AVPR1A: variants seen among roughly 807,000 people sequenced by gnomAD.
AVPR1A encodes vasopressin V1a receptor.
In AVPR1A, 31 loss-of-function variants were observed where a neutral mutation model predicts 31.5. That is an observed-to-expected ratio of 0.99 (90% CI 0.74 to 1.33). The LOEUF is 1.33. Among genes scored for constraint, AVPR1A ranks in the 40% most tolerant of loss-of-function variants. The probability of loss-of-function intolerance (pLI) is 0.00; values close to 1 mark genes in which losing one functional copy is unlikely to be tolerated. For synonymous variants in AVPR1A, 243 were observed against 233.2 expected, an observed-to-expected ratio of 1.04 and a Z score of -0.38; for missense variants, 570 against 575.2, an observed-to-expected ratio of 0.99 and a Z score of 0.09.
chr12:63,150,548 C>A lies in AVPR1A; in HGVS notation c.289G>T (p.Asp97Tyr). 6.2e-7 allele frequency: 1 copy of A among 1,612,910 alleles called. No homozygotes were observed. The highest frequency in any genetic ancestry group is 1.1e-5 in the South Asian group (1 of 91,046). ...ACCTGGAAGAATGCCACGGCCAGGT[C>A]GGCCAGGCTGAGGTGTCGGATGAAG... ...HLFIRHLSLA[D>Y]LAVAFFQVLP... The change falls in exon 1 of 2, where the codon GAC becomes TAC. Residue 97 changes from aspartate to tyrosine, a missense_variant. By Grantham distance (160) the Asp-to-Tyr change is radical. Coordinates refer to ENST00000299178, the MANE Select transcript of AVPR1A (RefSeq NM_000706.5). This position sits in a 1 kb window ranked among gnomAD's most constrained non-coding sequence, Gnocchi z 4.9.
In AVPR1A at chr12:63,150,659, CCG is replaced by C; in HGVS notation, c.176_177del (p.Ala59GlyfsTer282). On this transcript the variant is annotated frameshift_variant, in exon 1 of 2. Coordinates refer to ENST00000299178, the MANE Select transcript of AVPR1A (RefSeq NM_000706.5). LOFTEE classifies it high-confidence loss of function. This position sits in a 1 kb window ranked among gnomAD's most constrained non-coding sequence, Gnocchi z 4.9. ...CCCAGCACGGCCACCGCGAAAGTCA[CCG>C]CCAGCACGGCGATCTCCAGTTTGGC... The part of the protein sequence containing the change: ...ELAKLEIAVL[A>X]VTFAVAVLGN... 3 of 1,609,130 alleles carry C rather than the reference CCG, an allele frequency of 1.9e-6. No homozygotes were observed. Among genetic ancestry groups the C allele is most frequent in the Non-Finnish European group, 2.5e-6 (3 of 1,179,878 alleles).
chr12:63,149,897 A>C lies in AVPR1A; in HGVS notation c.940T>G (p.Ser314Ala). Reference sequence around the variant, plus strand: ...CAGACGGACATGGGATCCCAGACAGACCACATCTGGATGATGAAGAAAGGC... The same window carrying C: ...CAGACGGACATGGGATCCCAGACAGCCCACATCTGGATGATGAAGAAAGGC... ...WAPFFIIQMWSVWDPMSVWTE... is the reference protein window; with the variant it reads ...WAPFFIIQMWAVWDPMSVWTE... The change falls in exon 1 of 2, where the codon TCT becomes GCT. Residue 314 changes from serine (S) to alanine (A), a missense_variant. Transcript: ENST00000299178. 2 of 1,613,484 alleles carry C rather than the reference A, an allele frequency of 1.2e-6. No homozygotes were observed. Among genetic ancestry groups the C allele is most frequent in the Non-Finnish European group, 1.7e-6 (2 of 1,179,952 alleles).
intron 1 of AVPR1A, 25 bp downstream of exon 1, chr12:63,149,842 T>C (rs1868428890): frequency 6.3e-7 from 1 of 1,599,184 alleles, no homozygotes; most frequent in East Asian, 2.2e-5. Context: ...ATCCCTGCAC[T>C]TTCCTCTATT....
Position 63,150,502 on chromosome 12 carries a change from T to A in AVPR1A, c.335A>T (p.Asp112Val). Residue 112 changes from aspartate (D) to valine (V), a missense_variant, in exon 1 of 2, where the codon GAC becomes GTC. Transcript: ENST00000299178. The surrounding 1 kb of genome is among the most constrained non-coding windows in gnomAD (Gnocchi z 4.9). Reference protein sequence around the residue: ...FFQVLPQMCWDITYRFRGPDW... With the variant: ...FFQVLPQMCWVITYRFRGPDW... Reference sequence around the variant, plus strand: ...GGGGCCGCGGAAGCGGTAGGTGATGTCCCAGCACATTTGCGGCAGCACCTG... The same window carrying A: ...GGGGCCGCGGAAGCGGTAGGTGATGACCCAGCACATTTGCGGCAGCACCTG... 6.2e-7 allele frequency: 1 copy of A among 1,613,370 alleles called. No homozygotes were observed. The highest frequency in any genetic ancestry group is 8.5e-7 in the Non-Finnish European group (1 of 1,179,824).
rs183244036 is a variant in AVPR1A, at chr12:63,143,530, G to T, written c.*3829C>A. On this transcript the variant is annotated 3_prime_UTR_variant, in exon 2 of 2. Coordinates refer to ENST00000299178, the MANE Select transcript of AVPR1A (RefSeq NM_000706.5). ...TTTACACTGTCTTAAGCACTCAAAAGAAAGAAACTGTCTTCTGAATAGTTC... is the reference window on the plus strand; with the variant it reads ...TTTACACTGTCTTAAGCACTCAAAATAAAGAAACTGTCTTCTGAATAGTTC... 112 of 152,262 alleles carry T rather than the reference G, an allele frequency of 7.4e-4. No homozygotes were observed. Among genetic ancestry groups the T allele is most frequent in the African/African-American group, 2.5e-3 (103 of 41,564 alleles). The allele number at this position is 152,262 out of a possible 1,614,324, so 9.4% of individuals were successfully genotyped here. A position where few individuals can be genotyped will look rare whatever the true frequency, so the allele number is the denominator to read the frequency against.
chr12:63,148,531 AC>A (rs1868393791), intron 1 of AVPR1A, among the ~76,000 whole-genome samples: 1 of 152,184 alleles, frequency 6.6e-6, no homozygotes, highest in Admixed American at 6.5e-5. Context: ...GATGGTATTC[AC>A]AAAGAATGAA....
In AVPR1A at chr12:63,150,396, G is replaced by A. The variant is rs768124807; in HGVS notation, c.441C>T (p.Ala147=). Residue 147 remains alanine (A), a synonymous_variant, in exon 1 of 2, where the codon GCC becomes GCT. Transcript: ENST00000299178. The surrounding 1 kb of genome is among the most constrained non-coding windows in gnomAD (Gnocchi z 4.9). Reference sequence around the variant, plus strand: ...GGTGGCACACCGCGATGTAGCGGTCGGCTGTCATGACTACCAGCATGTAGG... The same window carrying A: ...GGTGGCACACCGCGATGTAGCGGTCAGCTGTCATGACTACCAGCATGTAGG... ...ASAYMLVVMT[A]DRYIAVCHPL... 2 of 1,613,826 alleles carry A rather than the reference G, an allele frequency of 1.2e-6. No homozygotes were observed. The highest frequency in any genetic ancestry group is 1.7e-6 in the Non-Finnish European group (2 of 1,179,972).
At position 63,143,705 on chromosome 12, in the gene AVPR1A, A is replaced by C. The variant is rs1868337408; in HGVS notation, c.*3654T>G. On this transcript the variant is annotated 3_prime_UTR_variant, in exon 2 of 2. Transcript: ENST00000299178. ...GGATGGAGGGGGTGGGCAGGGATAC[A>C]GTGGCTGCTTCTGCATTTCCAGAAC... 1 of 152,228 alleles carries C rather than the reference A, an allele frequency of 6.6e-6. No homozygotes were observed. 9.4% of individuals were successfully genotyped at this position (152,228 alleles called of 1,614,324 possible).
chr12:63,150,675 C>A lies in AVPR1A; in HGVS notation c.162G>T (p.Glu54Asp). ...CGAAAGTCACCGCCAGCACGGCGAT[C>A]TCCAGTTTGGCCAGCTCCTCGTTGC... The part of the protein sequence containing the change: ...DVRNEELAKL[E>D]IAVLAVTFAV... The change falls in exon 1 of 2, where the codon GAG becomes GAT. Residue 54 changes from glutamate to aspartate, a missense_variant. Transcript: ENST00000299178. This position sits in a 1 kb window ranked among gnomAD's most constrained non-coding sequence, Gnocchi z 4.9. 4.4e-6 allele frequency: 7 copies of A among 1,608,618 alleles called. No homozygotes were observed. Among genetic ancestry groups the A allele is most frequent in the Non-Finnish European group, 5.9e-6 (7 of 1,179,868 alleles).
chr12:63,147,673 T>A (rs1342331410), intron 1 of AVPR1A, 28 bp from the exon 2 acceptor site: 14 of 1,600,598 alleles, frequency 8.7e-6, no homozygotes, highest in Non-Finnish European at 1.1e-5. Flanking sequence ...AGGGAAATCA[T>A]GTAATGTAAG....
Position 63,144,080 on chromosome 12 carries a change from G to C in AVPR1A, c.*3279C>G, listed in dbSNP as rs1027009158. 6.6e-6 allele frequency: 1 copy of C among 151,322 alleles called. No individual in the cohort carries two copies. The highest frequency in any genetic ancestry group is 2.1e-4 in the South Asian group (1 of 4,766). The allele number at this position is 151,322 out of a possible 1,614,324, so 9.4% of individuals were successfully genotyped here. On this transcript the variant is annotated 3_prime_UTR_variant, in exon 2 of 2. Transcript: ENST00000299178. ...CTAGAAACTGTAATAAGCTTGGCAG[G>C]GTCCTGTGTATCATTAAGACTGCTT... is the stretch of plus-strand genomic sequence containing the variant.
In AVPR1A at chr12:63,150,094, C is replaced by T. The variant is rs1442129687; in HGVS notation, c.743G>A (p.Arg248His). ...GCTCTGGCGCGACGCCGTCTTCCCG[C>T]GGACGTTGCACCAGATGTTGTAGCA... ...FICYNIWCNVRGKTASRQSKG... is the reference protein window; with the variant it reads ...FICYNIWCNVHGKTASRQSKG... Residue 248 changes from arginine (R) to histidine (H), a missense_variant, in exon 1 of 2, where the codon CGC (arginine) becomes CAC (histidine). Arg to His is a conservative substitution (Grantham distance 29). Transcript: ENST00000299178. The surrounding 1 kb of genome is among the most constrained non-coding windows in gnomAD (Gnocchi z 4.9). 1 of 1,614,078 alleles carries T rather than the reference C, an allele frequency of 6.2e-7. No homozygotes were observed. Among genetic ancestry groups the T allele is most frequent in the Admixed American group, 1.7e-5 (1 of 60,030 alleles).
At chr12:63,148,700 T>C (rs1203054475) in intron 1 of AVPR1A, among the ~76,000 whole-genome samples, 1 of 152,152 alleles carries the variant, frequency 6.6e-6, no homozygotes, top group Non-Finnish European at 1.5e-5. Flanking sequence ...ATAAAGTGTT[T>C]ATATTGTATT....
intron 1 of AVPR1A, among the ~76,000 whole-genome samples, chr12:63,149,101 T>A (rs2120755482): frequency 6.6e-6 from 1 of 152,308 alleles, no homozygotes; most frequent in African/African-American, 2.4e-5. Flanking sequence ...TCCAGTAAAC[T>A]ACTGTAAGAG....
intron 1 of AVPR1A, 102 bp from the exon 2 acceptor site, chr12:63,147,747 A>G (rs1414832905): frequency 4.8e-6 from 6 of 1,253,730 alleles, no homozygotes; most frequent in African/African-American, 1.5e-5. Flanking sequence ...CTGGATTATC[A>G]TAGAAAATGA....
At position 63,147,398 on chromosome 12, in the gene AVPR1A, T is replaced by C; in HGVS notation, c.1218A>G (p.Lys406=). The change falls in exon 2 of 2, where the codon AAA becomes AAG. Residue 406 remains lysine (K), a synonymous_variant. Transcript: ENST00000299178. The part of the protein sequence containing the change: ...NSTGMWKDSP[K]SSKSIKFIPV... ...GAATGAATTTGATGGACTTGGAAGATTTAGGCGAGTCCTTCCACATACCCG... is the reference window on the plus strand; with the variant it reads ...GAATGAATTTGATGGACTTGGAAGACTTAGGCGAGTCCTTCCACATACCCG... 6.2e-7 allele frequency: 1 copy of C among 1,614,056 alleles called. No individual in the cohort carries two copies. Among genetic ancestry groups the C allele is most frequent in the Non-Finnish European group, 8.5e-7 (1 of 1,179,922 alleles).
rs1868361569 is a variant in AVPR1A, at chr12:63,146,521, C to A, written c.*838G>T. 6.6e-6 allele frequency: 1 copy of A among 152,182 alleles called. No individual in the cohort carries two copies. The highest frequency in any genetic ancestry group is 1.5e-5 in the Non-Finnish European group (1 of 68,032). The allele number at this position is 152,182 out of a possible 1,614,324, so 9.4% of individuals were successfully genotyped here. ...TGTAACACTGATCAAAATACGTTTA[C>A]AATGTCCAAGAGAAAGTCCAGAGTA... is the stretch of plus-strand genomic sequence containing the variant. On this transcript the variant is annotated 3_prime_UTR_variant, in exon 2 of 2. Transcript: ENST00000299178.
rs1344786454 is a variant in AVPR1A, at chr12:63,146,417, A to G, written c.*942T>C. On this transcript the variant is annotated 3_prime_UTR_variant, in exon 2 of 2. Coordinates refer to ENST00000299178, the MANE Select transcript of AVPR1A (RefSeq NM_000706.5). Reference sequence around the variant, plus strand: ...TTTATATCCTGAGTCACTCTTTAGGATACTCATATTATGAATCTGAATTCC... The same window carrying G: ...TTTATATCCTGAGTCACTCTTTAGGGTACTCATATTATGAATCTGAATTCC... The G allele has an allele frequency of 2.0e-5, 3 of 152,206 alleles. No individual in the cohort carries two copies. Among genetic ancestry groups the G allele is most frequent in the Non-Finnish European group, 4.4e-5 (3 of 68,044 alleles). 9.4% of individuals were successfully genotyped at this position (152,206 alleles called of 1,614,324 possible). A position where few individuals can be genotyped will look rare whatever the true frequency, so the allele number is the denominator to read the frequency against.
At position 63,147,660 on chromosome 12, in the gene AVPR1A, T is replaced by C. The variant is rs1868378959; in HGVS notation, c.971-15A>G. 1 of 1,606,240 alleles carries C rather than the reference T, an allele frequency of 6.2e-7. No homozygotes were observed. The highest frequency in any genetic ancestry group is 1.3e-5 in the African/African-American group (1 of 74,632). On this transcript the variant is annotated splice_polypyrimidine_tract_variant and intron_variant, in intron 1 of 1. Coordinates refer to ENST00000299178, the MANE Select transcript of AVPR1A (RefSeq NM_000706.5). ...GTTTTCCGATTCTGCATGAAAAATA[T>C]AAAGGGAAATCATGTAATGTAAGTG...
Sources: allele counts gnomAD v4.1 joint callset (sites outside exome capture counted in the v4.1 genomes callset), GRCh38; gene constraint gnomAD v4.1.1; non-coding constraint Gnocchi (gnomAD v3.1); transcripts MANE v1.5; gene names NCBI Gene and HGNC (gene_info 2026-07-23, HGNC 2026-07-21).